The following SLC25A20 variants were observed in gnomAD, a reference collection of about 807,000 sequenced individuals.
The protein encoded by SLC25A20 is solute carrier family 25 member 20.
Under a neutral mutation model 39.7 loss-of-function variants are expected in SLC25A20, and 29 were observed. The observed-to-expected ratio is 0.73, with a 90% CI of 0.54 to 1.00. SLC25A20 has a LOEUF of 1.00. Among genes scored for constraint, SLC25A20 ranks in the 50% least tolerant of loss-of-function variants. SLC25A20 has a pLI of 0.00. For missense variants in SLC25A20, 333 were observed against 379.9 expected (o/e 0.88, Z 1.03); for synonymous variants, 103 against 142.2 (o/e 0.72, Z 1.96).
At position 48,859,909 on chromosome 3, in the gene SLC25A20, G is replaced by A. The variant is rs138528060; in HGVS notation, c.536-282C>T. On this transcript the variant is annotated intron_variant, in intron 5 of 8. Transcript: ENST00000319017. ...ATGCCAGGCATGGTAGCTCATAACT[G>A]TAATCCGAGCACTTTGGGAGGCTGA... is the stretch of plus-strand genomic sequence containing the variant. Among the ~76,000 whole-genome samples, 541 of 152,344 alleles carry A rather than the reference G, an allele frequency of 3.6e-3. 6 individuals are homozygous for A. The highest frequency in any genetic ancestry group is 0.012 in the African/African-American group (510 of 41,578).
Position 48,898,699 on chromosome 3 carries a change from G to C in SLC25A20, c.96C>G (p.Asp32Glu). ...ACCCAGCCTCCCGCACCTTGACCGT[G>C]TCCAGAGGGTGACCGACGAACACCA... is the stretch of plus-strand genomic sequence containing the variant. ...VCLVFVGHPL[D>E]TVKVRLQTQP... Residue 32 changes from aspartate (D) to glutamate (E), a missense_variant, in exon 1 of 9, where the codon GAC becomes GAG. Transcript: ENST00000319017. 1 of 1,604,540 alleles carries C rather than the reference G, an allele frequency of 6.2e-7. No homozygotes were observed. The highest frequency in any genetic ancestry group is 8.5e-7 in the Non-Finnish European group (1 of 1,176,254).
At chr3:48,893,693 G>A (rs1037804369) in intron 1 of SLC25A20, among the ~76,000 whole-genome samples, 2 of 151,630 alleles carry the variant, frequency 1.3e-5, no homozygotes, top group African/African-American at 2.4e-5. Context: ...GCCATGCTCG[G>A]CTAATTTTGG....
chr3:48,880,769 T>C (rs377201465), intron 3 of SLC25A20, among the ~76,000 whole-genome samples: 1 of 151,658 alleles, frequency 6.6e-6, no homozygotes, highest in South Asian at 2.1e-4. Context: ...AGTTTCGCCA[T>C]GTTGCCCAGG....
chr3:48,857,815 C>T, intron 8 of SLC25A20, 43 bp from the exon 9 acceptor site: 1 of 1,572,476 alleles, frequency 6.4e-7, no homozygotes, highest in South Asian at 1.1e-5. Context: ...GCAGGAATAA[C>T]TATTCATAGA....
intron 4 of SLC25A20, among the ~76,000 whole-genome samples, chr3:48,877,597 C>T (rs575300223): frequency 8.0e-4 from 122 of 151,586 alleles, no homozygotes; most frequent in African/African-American, 2.6e-3. Flanking sequence ...GGCGTGGTGG[C>T]GCACACCTGT....
intron 7 of SLC25A20, 27 bp downstream of exon 7, chr3:48,859,065 C>T: frequency 6.3e-7 from 1 of 1,587,684 alleles, no homozygotes; most frequent in African/African-American, 1.3e-5. Flanking sequence ...CACTCTCCCC[C>T]TGTCCACCCC....
chr3:48,895,250 T>A (rs1322635802), intron 1 of SLC25A20, among the ~76,000 whole-genome samples: 1 of 152,180 alleles, frequency 6.6e-6, no homozygotes, highest in African/African-American at 2.4e-5. Flanking sequence ...TCAGGTGATC[T>A]GCCCGCCTCA....
In SLC25A20 at chr3:48,857,920, CTCATT is replaced by C. The variant is rs2083592617; in HGVS notation, c.844-153_844-149del. On this transcript the variant is annotated intron_variant, in intron 8 of 8. Transcript: ENST00000319017. ...ACATCAAGGATGCAAGCTCTACTCT[CTCATT>C]TTTAAGAGGAGAAGAAAATTTATAT... 5 of 663,994 alleles carry C rather than the reference CTCATT, an allele frequency of 7.5e-6. No homozygotes were observed. In the East Asian group the frequency reaches 1.4e-4, roughly 19 times the overall value. The allele number at this position is 663,994 out of a possible 1,614,324, so 41.1% of individuals were successfully genotyped here.
chr3:48,895,765 A>C (rs912708961), intron 1 of SLC25A20: 5 of 456,398 alleles, frequency 1.1e-5, no homozygotes, highest in Non-Finnish European at 2.2e-5. Context: ...CTTTACATCC[A>C]AAATCCCTCA....
chr3:48,884,003 A>G lies in SLC25A20; in HGVS notation c.320T>C (p.Val107Ala). Residue 107 changes from valine (V) to alanine (A), a missense_variant, in exon 3 of 9, where the codon GTG becomes GCG. Physicochemically the swap from Val to Ala is moderately conservative, Grantham distance 64 (BLOSUM62 0). Transcript: ENST00000319017. ...CTGACCTGTAAGTACTCACCTGAGC[A>G]CATCTTCTGGGTGTTTCTGTTGTAG... ...KKLQQKHPED[V>A]LSYPQLFAAG... The G allele has an allele frequency of 3.7e-6, 6 of 1,613,574 alleles. No homozygotes were observed. The highest frequency in any genetic ancestry group is 1.3e-5 in the African/African-American group (1 of 75,034).
chr3:48,892,501 T>C lies in SLC25A20; in HGVS notation c.106-429A>G, dbSNP rs559584696. On this transcript the variant is annotated intron_variant, in intron 1 of 8. Transcript: ENST00000319017. ...AAGAGATTTATTATAAGCAATTGGC[T>C]CATACAATTATAAAGGTTGAGAAGT... is the stretch of plus-strand genomic sequence containing the variant. Among the ~76,000 whole-genome samples, 308 of 152,290 alleles carry C rather than the reference T, an allele frequency of 2.0e-3. 2 individuals carry two copies. The highest frequency in any genetic ancestry group is 7.0e-3 in the African/African-American group (290 of 41,572).
chr3:48,898,803 CGTCT>C lies in SLC25A20; in HGVS notation c.-13_-10del. 1.3e-6 allele frequency: 2 copies of C among 1,557,790 alleles called. No individual in the cohort carries two copies. Among genetic ancestry groups the C allele is most frequent in the Non-Finnish European group, 1.7e-6 (2 of 1,150,824 alleles). ...TTTGGCTGGTCGGCCATGGTCAGTC[CGTCT>C]GTCACTCCGTCTGTCAGTTCTCGGG... On this transcript the variant is annotated 5_prime_UTR_variant, in exon 1 of 9. Transcript: ENST00000319017.
chr3:48,859,461 GAAC>G (rs1435526587), intron 6 of SLC25A20, 91 bp downstream of exon 6: 49 of 1,080,820 alleles, frequency 4.5e-5, no homozygotes, highest in South Asian at 3.2e-4. Context: ...ATGGAGCCAG[GAAC>G]AACAACTACT....
chr3:48,886,454 C>T (rs1295210288), intron 2 of SLC25A20, among the ~76,000 whole-genome samples: 1 of 151,800 alleles, frequency 6.6e-6, no homozygotes, highest in Non-Finnish European at 1.5e-5. Flanking sequence ...AACCGGGAGG[C>T]GGAGGTTGCA....
chr3:48,878,600 GA>G (rs1483076862), intron 4 of SLC25A20, among the ~76,000 whole-genome samples: 8 of 151,856 alleles, frequency 5.3e-5, no homozygotes, highest in Non-Finnish European at 1.0e-4. Context: ...AGGAGTTCAA[GA>G]CCAGCCTGAC....
At chr3:48,889,405 A>G (rs981563646) in intron 2 of SLC25A20, among the ~76,000 whole-genome samples, 12 of 151,386 alleles carry the variant, frequency 7.9e-5, no homozygotes, top group Middle Eastern at 3.4e-3. Context: ...ATATATATAT[A>G]ATAATAATAA....
At position 48,857,718 on chromosome 3, in the gene SLC25A20, T is replaced by A; in HGVS notation, c.898A>T (p.Asn300Tyr). Residue 300 changes from asparagine to tyrosine, a missense_variant, in exon 9 of 9, where the codon AAC becomes TAC. By Grantham distance (143) the Asn-to-Tyr change is moderately radical. Coordinates refer to ENST00000319017, the MANE Select transcript of SLC25A20 (RefSeq NM_000387.6). ...TTGAGCAGCCTTCAGCCTCACAAGT[T>A]GGGGGTGGCCCAATTAAGGAACTTC... ...AMKFLNWATP[N>Y]L is the part of the protein sequence containing the mutation. The A allele has an allele frequency of 6.2e-7, 1 of 1,613,894 alleles. No individual in the cohort carries two copies. Among genetic ancestry groups the A allele is most frequent in the Non-Finnish European group, 8.5e-7 (1 of 1,179,952 alleles).
chr3:48,884,692 T>C (rs1170103207), intron 2 of SLC25A20, among the ~76,000 whole-genome samples: 7 of 152,118 alleles, frequency 4.6e-5, no homozygotes, highest in Non-Finnish European at 1.0e-4. Context: ...CCTGGAAATA[T>C]TTTGTGTGGA....
intron 1 of SLC25A20, among the ~76,000 whole-genome samples, chr3:48,896,996 C>T (rs760967208): frequency 2.6e-5 from 4 of 151,834 alleles, no homozygotes; most frequent in African/African-American, 7.3e-5. Context: ...CACTCTGAAG[C>T]GCTGCAGCTT....
Sources: allele counts gnomAD v4.1 joint callset (sites outside exome capture counted in the v4.1 genomes callset), GRCh38; gene constraint gnomAD v4.1.1; transcripts MANE v1.5; gene names NCBI Gene and HGNC (gene_info 2026-07-23, HGNC 2026-07-21).